Variants in CDK15 observed in about 807,000 individuals in gnomAD.
CDK15 encodes cyclin dependent kinase 15.
CDK15 carries 62 observed loss-of-function variants against 60.3 expected under a neutral mutation model. The observed-to-expected ratio is 1.03, with a 90% CI of 0.84 to 1.27. The LOEUF is 1.27. Ranked by LOEUF, CDK15 falls within the 50% of genes most tolerant of loss-of-function variation. The pLI is 0.00. For missense variants in CDK15, 541 were observed against 527.8 expected, an observed-to-expected ratio of 1.03 and a Z score of -0.25; for synonymous variants, 194 against 195.7, an observed-to-expected ratio of 0.99 and a Z score of 0.07.
At chr2:201,811,219 T>C (rs1174047744) in intron 3 of CDK15, among the ~76,000 whole-genome samples, 6 of 150,440 alleles carry the variant, frequency 4.0e-5, no homozygotes, top group African/African-American at 9.8e-5. Context: ...GGCACGATCT[T>C]GGCTCACTGC....
rs549339170 is a variant in CDK15 at position 201,882,893 on chromosome 2, C to T, written c.1198+2726C>T. On this transcript the variant is annotated intron_variant, in intron 12 of 13. Coordinates refer to ENST00000652192, the MANE Select transcript of CDK15 (RefSeq NM_001366386.2). This position sits in a 1 kb window ranked among gnomAD's most constrained non-coding sequence, Gnocchi z 4.0. ...CTAAGAGATGCGGTCCTTGGCCTGGCAGTGCCAGCCTGCTTTTTCATTGCC... is the reference window on the plus strand; with the variant it reads ...CTAAGAGATGCGGTCCTTGGCCTGGTAGTGCCAGCCTGCTTTTTCATTGCC... Among the ~76,000 whole-genome samples, 3 of 152,194 alleles carry T rather than the reference C, an allele frequency of 2.0e-5. No homozygotes were observed. Among genetic ancestry groups the T allele is most frequent in the Non-Finnish European group, 4.4e-5 (3 of 68,034 alleles).
At chr2:201,870,658 G>A (rs1698820800) in intron 10 of CDK15, among the ~76,000 whole-genome samples, 1 of 152,160 alleles carries the variant, frequency 6.6e-6, no homozygotes, top group Admixed American at 6.5e-5. Flanking sequence ...GAGGCCAGGA[G>A]TTCCAGGCTG....
intron 12 of CDK15, chr2:201,888,688 C>T (rs967760458): frequency 3.0e-6 from 4 of 1,325,038 alleles, no homozygotes; most frequent in African/African-American, 3.0e-5. Flanking sequence ...AACCGGTTGC[C>T]TTCCCAGCAT....
chr2:201,895,292 T>C lies in CDK15; in HGVS notation c.*2025T>C, dbSNP rs1699746301. On this transcript the variant is annotated 3_prime_UTR_variant, in exon 14 of 14. Transcript: ENST00000652192. ...ACTTGGAATTATGCTTAGATACTATTGCTGCAGGAATGAATAGACAAATTT... is the reference window on the plus strand; with the variant it reads ...ACTTGGAATTATGCTTAGATACTATCGCTGCAGGAATGAATAGACAAATTT... 6.6e-6 allele frequency: 1 copy of C among 152,238 alleles called. No homozygotes were observed. The highest frequency in any genetic ancestry group is 6.5e-5 in the Admixed American group (1 of 15,284). 9.4% of individuals were successfully genotyped at this position (152,238 alleles called of 1,614,324 possible).
intron 12 of CDK15, among the ~76,000 whole-genome samples, chr2:201,887,367 G>T (rs991636225): frequency 8.5e-5 from 13 of 152,170 alleles, no homozygotes; most frequent in Non-Finnish European, 1.5e-4. Flanking sequence ...GGGGTTGTAG[G>T]TCATTTCTTT....
intron 3 of CDK15, among the ~76,000 whole-genome samples, chr2:201,808,193 A>G (rs2106146221): frequency 6.6e-6 from 1 of 152,334 alleles, no homozygotes; most frequent in African/African-American, 2.4e-5. Context: ...TCTTGCATTC[A>G]ATTCAGAGAA....
intron 8 of CDK15, among the ~76,000 whole-genome samples, chr2:201,843,228 C>T (rs1407179481): frequency 1.3e-5 from 2 of 151,926 alleles, no homozygotes; most frequent in Non-Finnish European, 2.9e-5. Context: ...GCTCTGTCGC[C>T]CAGGCTGGAG....
At chr2:201,846,066 A>G (rs1212276676) in intron 8 of CDK15, among the ~76,000 whole-genome samples, 1 of 152,182 alleles carries the variant, frequency 6.6e-6, no homozygotes, top group African/African-American at 2.4e-5. Flanking sequence ...TAATCTATTT[A>G]AAGATGAACA....
At chr2:201,873,522 ATGCTGC>A (rs201773835) in intron 11 of CDK15, among the ~76,000 whole-genome samples, 69 of 152,280 alleles carry the variant, frequency 4.5e-4, no homozygotes, top group African/African-American at 1.6e-3. Flanking sequence ...TTAATACTCC[ATGCTGC>A]TGCTGCTGCA....
chr2:201,833,295 A>G (rs1696840352), intron 6 of CDK15, among the ~76,000 whole-genome samples: 1 of 151,950 alleles, frequency 6.6e-6, no homozygotes, highest in Non-Finnish European at 1.5e-5. Context: ...TGAATTTAAG[A>G]CTTTAAAAAT....
chr2:201,810,655 A>G (rs1028207683), intron 3 of CDK15, among the ~76,000 whole-genome samples: 2 of 152,178 alleles, frequency 1.3e-5, no homozygotes, highest in Non-Finnish European at 2.9e-5. Flanking sequence ...ACCTTCAAAG[A>G]GGTACAGCAT....
chr2:201,866,374 C>T (rs187012214), intron 10 of CDK15, among the ~76,000 whole-genome samples: 4 of 152,120 alleles, frequency 2.6e-5, no homozygotes, highest in Admixed American at 1.3e-4. Context: ...ATTTGAATTC[C>T]GTTGTGAAAT....
intron 12 of CDK15, chr2:201,888,326 C>T: frequency 1.5e-6 from 2 of 1,346,450 alleles, no homozygotes; most frequent in East Asian, 5.3e-5. Context: ...ATCTCATTAT[C>T]TCGTTCCGAA....
chr2:201,837,141 C>A (rs12465067), intron 8 of CDK15, among the ~76,000 whole-genome samples: 10 of 151,720 alleles, frequency 6.6e-5, no homozygotes, highest in African/African-American at 2.2e-4. Flanking sequence ...CTACATTTTT[C>A]AAAAAAATTA....
At position 201,881,894 on chromosome 2, in the gene CDK15, T is replaced by C. The variant is rs931080933; in HGVS notation, c.1198+1727T>C. Among the ~76,000 whole-genome samples the C allele has an allele frequency of 2.0e-5, 3 of 151,996 alleles. No individual in the cohort carries two copies. In the East Asian group the frequency reaches 5.8e-4, roughly 29 times the overall value. On this transcript the variant is annotated intron_variant, in intron 12 of 13. Coordinates refer to ENST00000652192, the MANE Select transcript of CDK15 (RefSeq NM_001366386.2). ...GCAAGTGTACACGCTTGGATGTACA[T>C]ACACACGCACACACACACACACTCC...
chr2:201,876,855 T>C (rs1339476889), intron 11 of CDK15, among the ~76,000 whole-genome samples: 2 of 152,214 alleles, frequency 1.3e-5, no homozygotes, highest in African/African-American at 4.8e-5. Context: ...TAGAGTGCAG[T>C]GGTACGATCG....
At chr2:201,854,805 C>T in intron 9 of CDK15, 69 bp from the exon 10 acceptor site, 2 of 1,355,458 alleles carry the variant, frequency 1.5e-6, no homozygotes, top group Non-Finnish European at 1.1e-6. Context: ...TCCTGCATGT[C>T]TCCATACCTC....
At chr2:201,854,542 A>G (rs964042798) in intron 9 of CDK15, among the ~76,000 whole-genome samples, 4 of 152,154 alleles carry the variant, frequency 2.6e-5, no homozygotes, top group Admixed American at 6.6e-5. Flanking sequence ...CTAGCTCCCA[A>G]CATGGTGTCC....
Position 201,835,959 on chromosome 2 carries a change from T to A in CDK15, c.851+196T>A, listed in dbSNP as rs551828486. On this transcript the variant is annotated intron_variant, in intron 8 of 13. Coordinates refer to ENST00000652192, the MANE Select transcript of CDK15 (RefSeq NM_001366386.2). ...ATATTTATATATTTATATATATTTG[T>A]ATATATTTATATATTTATATATTTT... 1.0e-4 allele frequency among the ~76,000 whole-genome samples: 11 copies of A among 107,158 alleles called. No homozygotes were observed. In the East Asian group the frequency reaches 2.4e-3, roughly 23 times the overall value. The allele number at this position is 107,158 out of a possible 152,430, so 70.3% of individuals were successfully genotyped here. A position where few individuals can be genotyped will look rare whatever the true frequency, so the allele number is the denominator to read the frequency against.
Sources: allele counts gnomAD v4.1 joint callset (sites outside exome capture counted in the v4.1 genomes callset), GRCh38; gene constraint gnomAD v4.1.1; non-coding constraint Gnocchi (gnomAD v3.1); transcripts MANE v1.5; gene names NCBI Gene and HGNC (gene_info 2026-07-23, HGNC 2026-07-21).